Variants in B4GALT6 observed in about 807,000 individuals in gnomAD.
The protein encoded by B4GALT6 is beta-1,4-galactosyltransferase 6.
In B4GALT6, 14 loss-of-function variants were observed where a neutral mutation model predicts 46.3. The ratio of observed to expected loss-of-function variants is 0.30; its 90% confidence interval spans 0.20 to 0.47. The LOEUF (loss-of-function observed/expected upper bound fraction) is 0.47, where lower values mean the gene tolerates loss of function less well. Ranked by LOEUF, B4GALT6 falls within the 20% of genes least tolerant of loss-of-function variation. B4GALT6 has a pLI of 0.99. For missense variants in B4GALT6, 386 were observed against 480.1 expected, an observed-to-expected ratio of 0.80 and a Z score of 1.83; for synonymous variants, 168 against 162.0, an observed-to-expected ratio of 1.04 and a Z score of -0.28.
chr18:31,655,568 A>C (rs2074128270), intron 3 of B4GALT6, among the ~76,000 whole-genome samples: 1 of 152,228 alleles, frequency 6.6e-6, no homozygotes, highest in South Asian at 2.1e-4. Context: ...GGAGGAGAGG[A>C]GTACCAGAAT....
intron 1 of B4GALT6, among the ~76,000 whole-genome samples, chr18:31,675,622 A>G (rs2074406248): frequency 6.6e-6 from 1 of 152,218 alleles, no homozygotes; most frequent in African/African-American, 2.4e-5. Context: ...AGGAACCCTA[A>G]GAGAGTTATG....
In B4GALT6 at chr18:31,625,495, G is replaced by T. The variant is rs2073680456; in HGVS notation, c.*119C>A. 7.2e-6 allele frequency: 8 copies of T among 1,109,268 alleles called. No individual in the cohort carries two copies. The highest frequency in any genetic ancestry group is 1.1e-5 in the Non-Finnish European group (8 of 749,476). 68.7% of individuals were successfully genotyped at this position (1,109,268 alleles called of 1,614,324 possible). ...TCCCACTCTGTAAACACTGTGGACT[G>T]CTGGCTCTTCTCAGAGAAAAGGGCA... On this transcript the variant is annotated 3_prime_UTR_variant, in exon 9 of 9. Transcript: ENST00000306851.
chr18:31,699,582 T>C, the B4GALT6 span, among the ~76,000 whole-genome samples: 4 of 141,410 alleles, frequency 2.8e-5, no homozygotes, highest in Non-Finnish European at 6.0e-5. Context: ...CCTAGACAGA[T>C]ACTTTCAAAC....
chr18:31,685,203 G>C (rs942877178), upstream of B4GALT6, among the ~76,000 whole-genome samples: 1 of 150,192 alleles, frequency 6.7e-6, no homozygotes, highest in Non-Finnish European at 1.5e-5. Context: ...TGCCTGCCTG[G>C]CCGCAAGGGC....
rs777404501 is a variant in B4GALT6, at chr18:31,625,352, C to T, written c.*262G>A. 4 of 370,688 alleles carry T rather than the reference C, an allele frequency of 1.1e-5. No individual in the cohort carries two copies. Among genetic ancestry groups the T allele is most frequent in the Non-Finnish European group, 1.9e-5 (4 of 210,396 alleles). 23.0% of individuals were successfully genotyped at this position (370,688 alleles called of 1,614,324 possible). A position where few individuals can be genotyped will look rare whatever the true frequency, so the allele number is the denominator to read the frequency against. ...GATTTTAGTATAAAAATTTTCTCTT[C>T]GGAGGGAGCTCTCTTAACTTCCGAT... On this transcript the variant is annotated 3_prime_UTR_variant, in exon 9 of 9. Coordinates refer to ENST00000306851, the MANE Select transcript of B4GALT6 (RefSeq NM_004775.5).
intron 4 of B4GALT6, 50 bp from the exon 5 acceptor site, chr18:31,638,810 T>C (rs1465390843): frequency 2.1e-6 from 3 of 1,409,444 alleles, no homozygotes; most frequent in Non-Finnish European, 3.0e-6. Context: ...TACCACATCC[T>C]AGAGGTAAGG....
chr18:31,653,917 C>G (rs1012800846), intron 3 of B4GALT6, among the ~76,000 whole-genome samples: 1 of 151,252 alleles, frequency 6.6e-6, no homozygotes, highest in Non-Finnish European at 1.5e-5. Context: ...TGGCTCCCAT[C>G]TCATTTTTTT....
Position 31,637,713 on chromosome 18 carries a change from T to TA in B4GALT6, c.588+930dup, listed in dbSNP as rs1331913359. ...AATTAACTATGCTTTGCTGTTGTGTTAAAAAAAGAAAAAAACTTTCCTTCC... is the reference window on the plus strand; with the variant it reads ...AATTAACTATGCTTTGCTGTTGTGTTAAAAAAAAGAAAAAAACTTTCCTTCC... On this transcript the variant is annotated intron_variant, in intron 5 of 8. Coordinates refer to ENST00000306851, the MANE Select transcript of B4GALT6 (RefSeq NM_004775.5). Among the ~76,000 whole-genome samples, 5 of 152,228 alleles carry TA rather than the reference T, an allele frequency of 3.3e-5. No individual in the cohort carries two copies. The South Asian group carries it at 8.3e-4, about 25-fold the overall frequency.
intron 2 of B4GALT6, among the ~76,000 whole-genome samples, chr18:31,665,601 G>T (rs1289008045): frequency 6.6e-6 from 1 of 152,136 alleles, no homozygotes; most frequent in African/African-American, 2.4e-5. Context: ...AATTAGCCGG[G>T]CGTGGTGATG....
upstream of B4GALT6, chr18:31,684,637 G>A (rs182517788): frequency 8.0e-4 from 1,013 of 1,268,424 alleles, 12 homozygotes; most frequent in African/African-American, 0.014. Context: ...GGGGAGGGGA[G>A]GCGCGGAGGC....
the B4GALT6 span, among the ~76,000 whole-genome samples, chr18:31,700,350 T>A: frequency 1.3e-5 from 2 of 152,114 alleles, no homozygotes; most frequent in African/African-American, 4.8e-5. Context: ...TAGATCTAAC[T>A]AAAATATATG....
At chr18:31,638,847 G>A (rs1358546454) in intron 4 of B4GALT6, 87 bp from the exon 5 acceptor site, 3 of 1,163,790 alleles carry the variant, frequency 2.6e-6, no homozygotes, top group East Asian at 4.8e-5. Context: ...GAAAACTTCT[G>A]ATGGTTTTAA....
the B4GALT6 span, among the ~76,000 whole-genome samples, chr18:31,706,448 T>C: frequency 6.6e-6 from 1 of 152,098 alleles, no homozygotes; most frequent in African/African-American, 2.4e-5. Context: ...CTGGCCAACA[T>C]GGAGAAACCC....
At chr18:31,724,236 G>A in the B4GALT6 span, 1 of 342,388 alleles carries the variant, frequency 2.9e-6, no homozygotes, top group Admixed American at 3.5e-5. Context: ...AATGGCTCCT[G>A]CTCAGTGCGC....
the B4GALT6 span, among the ~76,000 whole-genome samples, chr18:31,703,103 G>A: frequency 6.6e-6 from 1 of 152,086 alleles, no homozygotes; most frequent in Admixed American, 6.6e-5. Flanking sequence ...AAAAATAGCT[G>A]GTGGCAGAAT....
At chr18:31,686,976 A>G (rs866501959), upstream of B4GALT6, among the ~76,000 whole-genome samples, 24 of 152,256 alleles carry the variant, frequency 1.6e-4, no homozygotes, top group African/African-American at 5.3e-4. Flanking sequence ...AGAGAGAAGT[A>G]GTAACATTAT....
At chr18:31,630,843 G>A in intron 6 of B4GALT6, 116 bp downstream of exon 6, 4 of 1,126,022 alleles carry the variant, frequency 3.6e-6, no homozygotes, top group Non-Finnish European at 5.2e-6. Flanking sequence ...AGTTAAAGAT[G>A]ATATTCTTGG....
At chr18:31,640,146 A>G (rs899922641) in intron 4 of B4GALT6, among the ~76,000 whole-genome samples, 5 of 152,150 alleles carry the variant, frequency 3.3e-5, no homozygotes, top group African/African-American at 4.8e-5. Flanking sequence ...TTACTCTATA[A>G]TCTGGATTTT....
the B4GALT6 span, among the ~76,000 whole-genome samples, chr18:31,691,828 C>T: frequency 6.6e-6 from 1 of 152,122 alleles, no homozygotes; most frequent in Non-Finnish European, 1.5e-5. Context: ...AACGTCCTCT[C>T]TTAAGCTAAA....
Sources: allele counts gnomAD v4.1 joint callset (sites outside exome capture counted in the v4.1 genomes callset), GRCh38; gene constraint gnomAD v4.1.1; transcripts MANE v1.5; gene names NCBI Gene and HGNC (gene_info 2026-07-23, HGNC 2026-07-21).